PRUNE2: variants seen among roughly 807,000 people sequenced by gnomAD.
The protein encoded by PRUNE2 is prune homolog 2 with BCH domain.
A neutral mutation model predicts 252.0 loss-of-function variants in PRUNE2; 164 were observed. The observed-to-expected ratio is 0.65, with a 90% CI of 0.57 to 0.74. The LOEUF (loss-of-function observed/expected upper bound fraction) is 0.74, where lower values mean the gene tolerates loss of function less well. Ranked by LOEUF, PRUNE2 falls within the 30% of genes least tolerant of loss-of-function variation. The pLI, the probability that PRUNE2 is intolerant of heterozygous loss-of-function variation, is 0.00. For missense variants in PRUNE2, 3,495 were observed against 3,711.0 expected (o/e 0.94, Z 1.51); for synonymous variants, 1,292 against 1,350.2 (o/e 0.96, Z 0.94).
intron 1 of PRUNE2, among the ~76,000 whole-genome samples, chr9:76,864,453 A>G (rs1589655452): frequency 6.8e-6 from 1 of 147,586 alleles, no homozygotes; most frequent in East Asian, 1.9e-4. Flanking sequence ...CTAAAGAAAT[A>G]CATAAATAAA....
At chr9:76,784,246 G>A (rs2054741556) in intron 6 of PRUNE2, 1 of 152,192 alleles carries the variant, frequency 6.6e-6, no homozygotes, top group Non-Finnish European at 1.5e-5. Context: ...CAGGAAAACA[G>A]ATCCTGTTGT....
intron 1 of PRUNE2, among the ~76,000 whole-genome samples, chr9:76,894,235 C>T (rs965064174): frequency 2.0e-5 from 3 of 152,210 alleles, no homozygotes; most frequent in Non-Finnish European, 2.9e-5. Context: ...CAAAAGGAAG[C>T]AGCTCCAGAA....
At chr9:76,726,219 C>T (rs867500415) in intron 6 of PRUNE2, among the ~76,000 whole-genome samples, 1 of 152,186 alleles carries the variant, frequency 6.6e-6, no homozygotes, top group African/African-American at 2.4e-5. Context: ...GGTTCGGTGC[C>T]TATCTCTGGG....
intron 6 of PRUNE2, among the ~76,000 whole-genome samples, chr9:76,724,164 C>T (rs867497468): frequency 4.7e-5 from 7 of 149,168 alleles, no homozygotes; most frequent in African/African-American, 1.5e-4. Flanking sequence ...AGGTTAAGAA[C>T]TCCTTGAAAT....
At position 76,707,001 on chromosome 9, in the gene PRUNE2, T is replaced by A. The variant is rs750115171; in HGVS notation, c.5273A>T (p.Asp1758Val). ...GGGATCAGGGCTGCTTTGTTGATTG[T>A]CACAGAATGGGTTTGACTTATTCTC... Reference protein sequence around the residue: ...ENENKSNPFCDNQQSSPDPWT... With the variant: ...ENENKSNPFCVNQQSSPDPWT... The change falls in exon 8 of 19, where the codon GAC (aspartate) becomes GTC (valine). Residue 1758 changes from aspartate to valine, a missense_variant. Coordinates refer to ENST00000376718, the MANE Select transcript of PRUNE2 (RefSeq NM_015225.3). 24 of 1,613,940 alleles carry A rather than the reference T, an allele frequency of 1.5e-5. No homozygotes were observed. The highest frequency in any genetic ancestry group is 2.0e-5 in the Non-Finnish European group (24 of 1,179,892).
chr9:76,730,719 G>A (rs898986719), intron 6 of PRUNE2, among the ~76,000 whole-genome samples: 2 of 152,166 alleles, frequency 1.3e-5, no homozygotes, highest in Admixed American at 6.6e-5. Flanking sequence ...GACCAATATG[G>A]TGAAACCCCA....
Position 76,614,547 on chromosome 9 carries a change from T to C in PRUNE2, c.*23A>G. ...AACAGAACCATGAACCAGAAAAGCA[T>C]CCTCTTCTTCCAGCATGGCCAACTA... On this transcript the variant is annotated 3_prime_UTR_variant, in exon 19 of 19. Coordinates refer to ENST00000376718, the MANE Select transcript of PRUNE2 (RefSeq NM_015225.3). The C allele has an allele frequency of 1.2e-6, 2 of 1,603,016 alleles. No homozygotes were observed. The highest frequency in any genetic ancestry group is 1.7e-6 in the Non-Finnish European group (2 of 1,170,164).
chr9:76,712,367 T>C (rs1296437291), intron 7 of PRUNE2, among the ~76,000 whole-genome samples: 2 of 152,186 alleles, frequency 1.3e-5, no homozygotes, highest in African/African-American at 2.4e-5. Flanking sequence ...GCAACCTAGC[T>C]GCAAAGGCTG....
intron 6 of PRUNE2, among the ~76,000 whole-genome samples, chr9:76,800,705 C>T (rs1589294157): frequency 6.6e-6 from 1 of 152,094 alleles, no homozygotes; most frequent in Admixed American, 6.6e-5. Context: ...TAGAATTCAC[C>T]TCTACAGCGA....
intron 6 of PRUNE2, chr9:76,778,874 A>G (rs1236815635): frequency 6.6e-6 from 1 of 152,188 alleles, no homozygotes; most frequent in African/African-American, 2.4e-5. Context: ...TCATGGCCCA[A>G]TTTATCCTCA....
chr9:76,757,773 C>G (rs10123185), intron 6 of PRUNE2, among the ~76,000 whole-genome samples: 1 of 151,824 alleles, frequency 6.6e-6, no homozygotes, highest in Non-Finnish European at 1.5e-5. Context: ...ATGGAGAAAT[C>G]CCATCTCTAC....
intron 6 of PRUNE2, chr9:76,738,546 G>A (rs2049284235): frequency 6.6e-6 from 1 of 152,170 alleles, no homozygotes. Flanking sequence ...CTTCGGGCTG[G>A]TAATTATAAG....
intron 6 of PRUNE2, among the ~76,000 whole-genome samples, chr9:76,746,967 A>T (rs1453146375): frequency 1.3e-5 from 2 of 152,210 alleles, no homozygotes; most frequent in South Asian, 2.1e-4. Context: ...AAATTAATTG[A>T]ACCCAAGGAA....
At chr9:76,885,744 T>C (rs1425489706) in intron 1 of PRUNE2, among the ~76,000 whole-genome samples, 1 of 152,130 alleles carries the variant, frequency 6.6e-6, no homozygotes, top group Non-Finnish European at 1.5e-5. Context: ...TTTGTGAGTA[T>C]AGCTAGTTAC....
intron 6 of PRUNE2, 23 bp from the exon 7 acceptor site, chr9:76,713,744 G>A (rs750971885): frequency 1.9e-6 from 3 of 1,565,684 alleles, no homozygotes; most frequent in Non-Finnish European, 2.6e-6. Context: ...CAGGAAATTT[G>A]ATATTAATGT....
Position 76,706,276 on chromosome 9 carries a change from G to C in PRUNE2, c.5998C>G (p.Gln2000Glu). ...NEGQETNQWE[Q>E]EKSYLGEMTN... is the part of the protein sequence containing the mutation. ...ATCTCACCTAGGTATGATTTTTCTT[G>C]TTCCCACTGATTTGTTTCTTGACCT... The change falls in exon 8 of 19, where the codon CAA becomes GAA. Residue 2000 changes from glutamine (Q) to glutamate (E), a missense_variant. By Grantham distance (29) the Gln-to-Glu change is conservative (BLOSUM62 2). Transcript: ENST00000376718. The C allele has an allele frequency of 6.2e-7, 1 of 1,613,920 alleles. No homozygotes were observed. Among genetic ancestry groups the C allele is most frequent in the Non-Finnish European group, 8.5e-7 (1 of 1,179,858 alleles).
At chr9:76,821,498 A>C (rs2058036517) in intron 6 of PRUNE2, among the ~76,000 whole-genome samples, 1 of 152,212 alleles carries the variant, frequency 6.6e-6, no homozygotes, top group African/African-American at 2.4e-5. Context: ...AGATTGGATA[A>C]CTGATTTGCA....
At chr9:76,728,166 A>G (rs769140663) in intron 6 of PRUNE2, among the ~76,000 whole-genome samples, 5 of 152,192 alleles carry the variant, frequency 3.3e-5, no homozygotes, top group Non-Finnish European at 5.9e-5. Context: ...CAACTGTTCA[A>G]TGAATGGCTA....
chr9:76,695,582 G>A (rs1196862280), intron 9 of PRUNE2, among the ~76,000 whole-genome samples: 3 of 152,184 alleles, frequency 2.0e-5, no homozygotes, highest in African/African-American at 7.2e-5. Context: ...GATGGATTTG[G>A]TAACTTGAGA....
Sources: allele counts gnomAD v4.1 joint callset (sites outside exome capture counted in the v4.1 genomes callset), GRCh38; gene constraint gnomAD v4.1.1; transcripts MANE v1.5; gene names NCBI Gene and HGNC (gene_info 2026-07-23, HGNC 2026-07-21).